The following XKR4 variants were observed in gnomAD, a reference collection of about 807,000 sequenced individuals.
XKR4 encodes XK-related protein 4.
A neutral mutation model predicts 53.9 loss-of-function variants in XKR4; 12 were observed. The observed-to-expected ratio is 0.22, with a 90% CI of 0.14 to 0.36. The LOEUF (loss-of-function observed/expected upper bound fraction) is 0.36. Among genes scored for constraint, XKR4 ranks in the 10% least tolerant of loss-of-function variants. The pLI, the probability that XKR4 is intolerant of heterozygous loss-of-function variation, is 1.00. For missense variants in XKR4, 799 were observed against 859.5 expected, an observed-to-expected ratio of 0.93 and a Z score of 0.88; for synonymous variants, 354 against 362.4, an observed-to-expected ratio of 0.98 and a Z score of 0.26.
At chr8:55,158,166 A>T (rs1816934717) in intron 1 of XKR4, among the ~76,000 whole-genome samples, 1 of 152,254 alleles carries the variant, frequency 6.6e-6, no homozygotes. Flanking sequence ...CCTTGCCAGC[A>T]TCTGTTAGTT....
At chr8:55,426,844 T>A (rs925693105) in intron 2 of XKR4, among the ~76,000 whole-genome samples, 4 of 152,262 alleles carry the variant, frequency 2.6e-5, no homozygotes, top group Non-Finnish European at 4.4e-5. Flanking sequence ...CTAAATGTCC[T>A]AGTATAGGCA....
chr8:55,246,660 C>T (rs2129369018), intron 1 of XKR4, among the ~76,000 whole-genome samples: 1 of 151,800 alleles, frequency 6.6e-6, no homozygotes, highest in Middle Eastern at 3.4e-3. Flanking sequence ...TATTGAGAGT[C>T]ATGGGTATTC....
At chr8:55,175,894 A>T (rs1257042814) in intron 1 of XKR4, among the ~76,000 whole-genome samples, 1 of 152,174 alleles carries the variant, frequency 6.6e-6, no homozygotes, top group Non-Finnish European at 1.5e-5. Context: ...GATGTTTGGG[A>T]TGTAAGACCC....
intron 2 of XKR4, among the ~76,000 whole-genome samples, chr8:55,507,289 A>G (rs1806549231): frequency 6.6e-6 from 1 of 152,108 alleles, no homozygotes; most frequent in African/African-American, 2.4e-5. Flanking sequence ...CCCTATACAT[A>G]TATTTATAAA....
rs551329758 is a variant in XKR4, at chr8:55,206,651, C to A, written c.806+103357C>A. On this transcript the variant is annotated intron_variant, in intron 1 of 2. Coordinates refer to ENST00000327381, the MANE Select transcript of XKR4 (RefSeq NM_052898.2). Reference sequence around the variant, plus strand: ...CAAAAAGAGAAACTATCAGATAAATCACAAATATTGCCCCTGAAAAAGTTA... The same window carrying A: ...CAAAAAGAGAAACTATCAGATAAATAACAAATATTGCCCCTGAAAAAGTTA... 2.0e-5 allele frequency among the ~76,000 whole-genome samples: 3 copies of A among 152,256 alleles called. No homozygotes were observed. In the South Asian group the frequency reaches 6.2e-4, roughly 32 times the overall value.
At position 55,304,473 on chromosome 8, in the gene XKR4, G is replaced by A. The variant is rs187434786; in HGVS notation, c.807-53205G>A. On this transcript the variant is annotated intron_variant, in intron 1 of 2. Transcript: ENST00000327381. ...TGGTGCTGAGAAGAATGTATATTCT[G>A]TTGATTTGGGGTGGAGAGTTCTGTA... Among the ~76,000 whole-genome samples, 183 of 152,328 alleles carry A rather than the reference G, an allele frequency of 1.2e-3. 1 individual carries two copies. Among genetic ancestry groups the A allele is most frequent in the African/African-American group, 4.2e-3 (175 of 41,580 alleles).
chr8:55,485,267 G>A (rs2129401607), intron 2 of XKR4, among the ~76,000 whole-genome samples: 1 of 152,168 alleles, frequency 6.6e-6, no homozygotes, highest in Admixed American at 6.5e-5. Context: ...CTGCAATAAG[G>A]CAAGAAAAGG....
intron 1 of XKR4, among the ~76,000 whole-genome samples, chr8:55,206,134 C>A (rs1054785385): frequency 1.3e-5 from 2 of 152,182 alleles, no homozygotes; most frequent in African/African-American, 4.8e-5. Flanking sequence ...GGACCCAAAG[C>A]GTGAGCAGCA....
intron 1 of XKR4, among the ~76,000 whole-genome samples, chr8:55,153,166 G>A (rs1816861803): frequency 6.6e-6 from 1 of 152,280 alleles, no homozygotes; most frequent in African/African-American, 2.4e-5. Context: ...TAGCATCAAG[G>A]TGACCTTTTT....
intron 1 of XKR4, among the ~76,000 whole-genome samples, chr8:55,291,353 G>T (rs1421358396): frequency 1.3e-5 from 2 of 152,004 alleles, no homozygotes; most frequent in African/African-American, 4.8e-5. Flanking sequence ...TAGTTCCTTT[G>T]CCTGTCCTTA....
At chr8:55,121,355 C>A (rs1327058640) in intron 1 of XKR4, among the ~76,000 whole-genome samples, 6 of 152,188 alleles carry the variant, frequency 3.9e-5, no homozygotes, top group Admixed American at 3.9e-4. Context: ...TGAGCACCTA[C>A]CCTGTGCCAA....
chr8:55,191,685 C>CTTT (rs528131249), intron 1 of XKR4, among the ~76,000 whole-genome samples: 3 of 117,072 alleles, frequency 2.6e-5, no homozygotes, highest in African/African-American at 9.3e-5. Flanking sequence ...TAGTACAATT[C>CTTT]TTTTTTTTTT....
intron 1 of XKR4, among the ~76,000 whole-genome samples, chr8:55,304,228 C>T (rs1282684197): frequency 1.2e-4 from 18 of 152,160 alleles, no homozygotes; most frequent in Admixed American, 6.6e-5. Context: ...CAAAGAACAT[C>T]GTTATTTCTG....
At chr8:55,453,189 G>T in intron 2 of XKR4, 1 of 500,314 alleles carries the variant, frequency 2.0e-6, no homozygotes, top group South Asian at 1.5e-5. Context: ...AGCTGTAAGA[G>T]AACTACCTTA....
At chr8:55,454,804 G>A in intron 2 of XKR4, 2 of 770,180 alleles carry the variant, frequency 2.6e-6, no homozygotes, top group South Asian at 2.7e-5. Context: ...AGATGGGCAG[G>A]CTCTGTGGGC....
At chr8:55,270,725 T>C (rs995339493) in intron 1 of XKR4, among the ~76,000 whole-genome samples, 8 of 152,086 alleles carry the variant, frequency 5.3e-5, no homozygotes, top group African/African-American at 1.9e-4. Context: ...TGCTGAAGAG[T>C]ATGAAAACTT....
At chr8:55,248,636 C>CT (rs995718380) in intron 1 of XKR4, among the ~76,000 whole-genome samples, 46 of 151,904 alleles carry the variant, frequency 3.0e-4, no homozygotes, top group Non-Finnish European at 5.2e-4. Context: ...GGTTTTCTAA[C>CT]TTTTTTTTTG....
chr8:55,228,112 G>A (rs1405206774), intron 1 of XKR4, among the ~76,000 whole-genome samples: 1 of 152,010 alleles, frequency 6.6e-6, no homozygotes, highest in African/African-American at 2.4e-5. Context: ...TCATCATGTT[G>A]GCCAGGCTGG....
At chr8:55,270,344 G>A (rs1169905577) in intron 1 of XKR4, among the ~76,000 whole-genome samples, 1 of 152,086 alleles carries the variant, frequency 6.6e-6, no homozygotes. Context: ...GGTCTTGGCT[G>A]CTAGTGACCT....
Sources: allele counts gnomAD v4.1 joint callset (sites outside exome capture counted in the v4.1 genomes callset), GRCh38; gene constraint gnomAD v4.1.1; transcripts MANE v1.5; gene names NCBI Gene and HGNC (gene_info 2026-07-23, HGNC 2026-07-21).